MYO1D: variants seen among roughly 807,000 people sequenced by gnomAD.
MYO1D encodes myosin ID.
In MYO1D, 83 loss-of-function variants were observed where a neutral mutation model predicts 122.0. The observed-to-expected ratio is 0.68, with a 90% confidence interval of 0.57 to 0.82. The LOEUF (loss-of-function observed/expected upper bound fraction) is 0.82. Among genes scored for constraint, MYO1D ranks in the 40% least tolerant of loss-of-function variants. The probability of loss-of-function intolerance (pLI) is 0.00; values close to 1 mark genes in which losing one functional copy is unlikely to be tolerated. For missense variants in MYO1D, 1,157 were observed against 1,269.5 expected, an observed-to-expected ratio of 0.91 and a Z score of 1.35; for synonymous variants, 464 against 446.9, an observed-to-expected ratio of 1.04 and a Z score of -0.48.
chr17:32,525,202 G>A (rs564921618), intron 21 of MYO1D, among the ~76,000 whole-genome samples: 10 of 152,228 alleles, frequency 6.6e-5, no homozygotes, highest in Non-Finnish European at 1.2e-4. Flanking sequence ...TCAGTTGATA[G>A]TCCTCTGACC....
intron 21 of MYO1D, among the ~76,000 whole-genome samples, chr17:32,535,723 T>C (rs949241353): frequency 3.9e-5 from 6 of 152,118 alleles, no homozygotes; most frequent in African/African-American, 1.4e-4. Context: ...TGCACTCCAG[T>C]CTGGGGGACA....
At chr17:32,576,535 CAT>C (rs1415918977) in intron 21 of MYO1D, among the ~76,000 whole-genome samples, 1 of 152,196 alleles carries the variant, frequency 6.6e-6, no homozygotes, top group Admixed American at 6.5e-5. Flanking sequence ...TGGACTAAAT[CAT>C]ATGATGGTAG....
chr17:32,867,614 T>C (rs554694342), intron 1 of MYO1D, among the ~76,000 whole-genome samples: 2 of 151,690 alleles, frequency 1.3e-5, no homozygotes, highest in African/African-American at 4.8e-5. Flanking sequence ...CTGGCCAACA[T>C]GGTGAAACCC....
At chr17:32,703,597 T>C (rs1399685158) in intron 16 of MYO1D, among the ~76,000 whole-genome samples, 1 of 152,050 alleles carries the variant, frequency 6.6e-6, no homozygotes, top group African/African-American at 2.4e-5. Context: ...GATTTTGATC[T>C]TGCCCTATGA....
intron 1 of MYO1D, among the ~76,000 whole-genome samples, chr17:32,784,126 A>G (rs2151031619): frequency 6.6e-6 from 1 of 152,352 alleles, no homozygotes; most frequent in Admixed American, 6.5e-5. Context: ...GAGTAAGAGC[A>G]TACAGGGTCT....
intron 20 of MYO1D, among the ~76,000 whole-genome samples, chr17:32,608,803 G>T (rs564059414): frequency 1.3e-5 from 2 of 152,278 alleles, no homozygotes; most frequent in East Asian, 3.9e-4. Flanking sequence ...TTAAATAATG[G>T]AACGCTACTC....
Position 32,820,094 on chromosome 17 carries a change from T to C in MYO1D, c.96-39310A>G, listed in dbSNP as rs551922076. 5.0e-4 allele frequency among the ~76,000 whole-genome samples: 76 copies of C among 152,232 alleles called. 1 individual carries two copies. The Middle Eastern group carries it at 0.014, about 27-fold the overall frequency. On this transcript the variant is annotated intron_variant, in intron 1 of 21. Coordinates refer to ENST00000318217, the MANE Select transcript of MYO1D (RefSeq NM_015194.3). ...ACATGGTCACTGTTCAGTAAGGCCA[T>C]AGAAGGGTAGTTTCTCTTTTAAAAA...
At chr17:32,828,825 G>C (rs1345896495) in intron 1 of MYO1D, among the ~76,000 whole-genome samples, 2 of 152,314 alleles carry the variant, frequency 1.3e-5, no homozygotes, top group African/African-American at 4.8e-5. Flanking sequence ...CCACTCTATG[G>C]TGTTGTATTC....
intron 16 of MYO1D, among the ~76,000 whole-genome samples, chr17:32,707,477 G>A (rs1216143263): frequency 6.6e-6 from 1 of 152,072 alleles, no homozygotes; most frequent in Non-Finnish European, 1.5e-5. Flanking sequence ...TCTCACTCCT[G>A]GGAATTCAGC....
chr17:32,577,776 T>A (rs188944109), intron 21 of MYO1D, among the ~76,000 whole-genome samples: 68 of 152,140 alleles, frequency 4.5e-4, no homozygotes, highest in South Asian at 2.1e-4. Context: ...TCTTGCTCTG[T>A]CACCCAGGCT....
chr17:32,586,945 T>G (rs1054713477), intron 21 of MYO1D, among the ~76,000 whole-genome samples: 5 of 152,158 alleles, frequency 3.3e-5, no homozygotes, highest in African/African-American at 1.2e-4. Flanking sequence ...GGCTTTAAAT[T>G]CCCTCTTGAT....
At chr17:32,509,699 C>A (rs2150858347) in intron 21 of MYO1D, among the ~76,000 whole-genome samples, 1 of 152,292 alleles carries the variant, frequency 6.6e-6, no homozygotes, top group Middle Eastern at 3.4e-3. Context: ...GGCAATTCCC[C>A]TGCCTCAGCC....
intron 21 of MYO1D, among the ~76,000 whole-genome samples, chr17:32,560,203 C>T (rs953877859): frequency 4.0e-5 from 6 of 151,846 alleles, no homozygotes; most frequent in Admixed American, 3.3e-4. Context: ...TGCAGTGAGC[C>T]GAGATTGCAC....
At chr17:32,805,486 C>T (rs926127459) in intron 1 of MYO1D, among the ~76,000 whole-genome samples, 1 of 151,954 alleles carries the variant, frequency 6.6e-6, no homozygotes, top group African/African-American at 2.4e-5. Context: ...AAATGAAGAC[C>T]AAAAGAGATT....
At position 32,704,210 on chromosome 17, in the gene MYO1D, GA is replaced by G. The variant is rs1225113013; in HGVS notation, c.2121+7777del. Among the ~76,000 whole-genome samples, 19 of 152,310 alleles carry G rather than the reference GA, an allele frequency of 1.2e-4. No individual in the cohort carries two copies. In the South Asian group the frequency reaches 3.9e-3, roughly 32 times the overall value. On this transcript the variant is annotated intron_variant, in intron 16 of 21. Coordinates refer to ENST00000318217, the MANE Select transcript of MYO1D (RefSeq NM_015194.3). Reference sequence around the variant, plus strand: ...GAACACACACACAAACTCAAATGTAGAGGGTATATGGGTAAGTGAATCAAAT... The same window carrying G: ...GAACACACACACAAACTCAAATGTAGGGGTATATGGGTAAGTGAATCAAAT...
At position 32,800,236 on chromosome 17, in the gene MYO1D, C is replaced by T. The variant is rs551858526; in HGVS notation, c.96-19452G>A. Among the ~76,000 whole-genome samples, 3 of 152,268 alleles carry T rather than the reference C, an allele frequency of 2.0e-5. No individual in the cohort carries two copies. In the East Asian group the frequency reaches 5.8e-4, roughly 29 times the overall value. On this transcript the variant is annotated intron_variant, in intron 1 of 21. Transcript: ENST00000318217. ...TCACTATGTCAAAGATCAGTCTGCA[C>T]TCTCAATCACTGCACCATTATTCAC...
intron 15 of MYO1D, among the ~76,000 whole-genome samples, chr17:32,712,891 G>C (rs2089396807): frequency 1.3e-5 from 2 of 152,090 alleles, no homozygotes; most frequent in African/African-American, 4.8e-5. Context: ...TCTCAAAAGT[G>C]ACATCCTATC....
In MYO1D at chr17:32,784,285, C is replaced by A. The variant is rs185542578; in HGVS notation, c.96-3501G>T. ...GAGCGCCATGTCTTCATGGTTTTGC[C>A]CATGGAGTTCATTCTGCCTCACACC... On this transcript the variant is annotated intron_variant, in intron 1 of 21. Coordinates refer to ENST00000318217, the MANE Select transcript of MYO1D (RefSeq NM_015194.3). Among the ~76,000 whole-genome samples the A allele has an allele frequency of 2.3e-3, 345 of 152,204 alleles. 1 individual carries two copies. The highest frequency in any genetic ancestry group is 8.1e-3 in the African/African-American group (335 of 41,518).
chr17:32,783,141 A>C (rs1392367036), intron 1 of MYO1D, among the ~76,000 whole-genome samples: 1 of 142,304 alleles, frequency 7.0e-6, no homozygotes, highest in African/African-American at 2.7e-5. Flanking sequence ...TTAGTTTTGA[A>C]TAAGCACTGT....
Sources: gnomAD v4.1 joint callset for allele counts (sites outside exome capture counted in the v4.1 genomes callset) on GRCh38, gnomAD v4.1.1 for gene constraint, MANE v1.5 for transcripts, NCBI Gene and HGNC (gene_info 2026-07-23, HGNC 2026-07-21) for gene names.